The following GABRB2 variants were observed in gnomAD, a reference collection of about 807,000 sequenced individuals.
GABRB2 encodes the protein gamma-aminobutyric acid receptor subunit beta-2.
A neutral mutation model predicts 54.7 loss-of-function variants in GABRB2; 16 were observed. That is an observed-to-expected ratio of 0.29 (90% CI 0.20 to 0.44). The LOEUF (loss-of-function observed/expected upper bound fraction) is 0.44, where lower values mean the gene tolerates loss of function less well. Among genes scored for constraint, GABRB2 ranks in the 20% least tolerant of loss-of-function variants. GABRB2 has a pLI of 1.00. For synonymous variants in GABRB2, 244 were observed against 233.8 expected (o/e 1.04, Z -0.40); for missense variants, 355 against 644.0 (o/e 0.55, Z 4.86).
chr5:161,405,856 G>A (rs192921397), intron 5 of GABRB2, among the ~76,000 whole-genome samples: 49 of 152,090 alleles, frequency 3.2e-4, no homozygotes, highest in East Asian at 2.3e-3. Context: ...CTTCGACAAG[G>A]ATGATTTAGA....
chr5:161,487,323 A>G (rs150247317), intron 3 of GABRB2, among the ~76,000 whole-genome samples: 42 of 152,056 alleles, frequency 2.8e-4, no homozygotes, highest in African/African-American at 9.4e-4. Flanking sequence ...AAAGTGGTAA[A>G]GTGGTACAAA....
chr5:161,437,610 C>T (rs1386835237), intron 4 of GABRB2, among the ~76,000 whole-genome samples: 2 of 152,024 alleles, frequency 1.3e-5, no homozygotes, highest in Non-Finnish European at 2.9e-5. Flanking sequence ...TCCCCTATTC[C>T]AGGACCTGAC....
At chr5:161,295,089 A>G (rs1757345650) in intron 9 of GABRB2, among the ~76,000 whole-genome samples, 2 of 152,336 alleles carry the variant, frequency 1.3e-5, no homozygotes, top group South Asian at 4.1e-4. Flanking sequence ...CACAGTATTC[A>G]GAATAAGGAG....
At chr5:161,355,857 G>A (rs891025579) in intron 5 of GABRB2, among the ~76,000 whole-genome samples, 14 of 152,106 alleles carry the variant, frequency 9.2e-5, no homozygotes, top group African/African-American at 3.4e-4. Flanking sequence ...ACCTACAGAA[G>A]AATAGGTCTT....
chr5:161,482,652 C>T (rs1447603383), intron 3 of GABRB2, among the ~76,000 whole-genome samples: 1 of 151,990 alleles, frequency 6.6e-6, no homozygotes, highest in African/African-American at 2.4e-5. Flanking sequence ...AAAATAAATG[C>T]TTTATAAATC....
At chr5:161,326,547 TAAAG>T in intron 8 of GABRB2, 66 bp from the exon 9 acceptor site, 1 of 1,523,588 alleles carries the variant, frequency 6.6e-7, no homozygotes, top group East Asian at 2.4e-5. Context: ...GCCTGATGGT[TAAAG>T]TAAATTGGAT....
chr5:161,527,750 A>G (rs1554106576), intron 3 of GABRB2, among the ~76,000 whole-genome samples: 1 of 151,680 alleles, frequency 6.6e-6, no homozygotes, highest in Non-Finnish European at 1.5e-5. Context: ...TGGCAATAAA[A>G]TTTAGTTAAT....
intron 9 of GABRB2, among the ~76,000 whole-genome samples, chr5:161,297,868 A>C (rs1209506873): frequency 6.6e-6 from 1 of 152,204 alleles, no homozygotes; most frequent in Non-Finnish European, 1.5e-5. Context: ...ACTGTCTTCC[A>C]CAATGGTTGA....
intron 3 of GABRB2, among the ~76,000 whole-genome samples, chr5:161,488,685 A>G (rs879736560): frequency 6.6e-6 from 1 of 151,792 alleles, no homozygotes; most frequent in Non-Finnish European, 1.5e-5. Flanking sequence ...CTAAATTCTC[A>G]TATAATCCAT....
At chr5:161,503,665 C>CG (rs1759515072) in intron 3 of GABRB2, among the ~76,000 whole-genome samples, 1 of 147,912 alleles carries the variant, frequency 6.8e-6, no homozygotes, top group South Asian at 2.1e-4. Flanking sequence ...GCTGAGATCG[C>CG]GCCATTGCAC....
chr5:161,393,632 T>G (rs970974195), intron 5 of GABRB2, among the ~76,000 whole-genome samples: 1 of 152,084 alleles, frequency 6.6e-6, no homozygotes, highest in African/African-American at 2.4e-5. Context: ...TAAAATGCAC[T>G]TTGAGACTAA....
chr5:161,327,105 A>G, intron 8 of GABRB2: 1 of 356,524 alleles, frequency 2.8e-6, no homozygotes, highest in Non-Finnish European at 3.9e-6. Context: ...GAAAATAGGA[A>G]AGACTCTCCT....
At chr5:161,314,574 T>C (rs1757969394) in intron 9 of GABRB2, among the ~76,000 whole-genome samples, 1 of 152,204 alleles carries the variant, frequency 6.6e-6, no homozygotes, top group African/African-American at 2.4e-5. Flanking sequence ...ACTTGTTTTA[T>C]TTTGACAAAA....
intron 4 of GABRB2, among the ~76,000 whole-genome samples, chr5:161,429,568 T>C (rs568430071): frequency 1.3e-5 from 2 of 152,096 alleles, no homozygotes; most frequent in Admixed American, 1.3e-4. Context: ...GTAAGATGAA[T>C]AGGTCAACTT....
intron 9 of GABRB2, among the ~76,000 whole-genome samples, chr5:161,301,011 C>A (rs1757523186): frequency 6.6e-6 from 1 of 152,120 alleles, no homozygotes; most frequent in Non-Finnish European, 1.5e-5. Flanking sequence ...TAATGTTGAT[C>A]TTGAAAGCCC....
At chr5:161,419,826 G>T (rs1164371865) in intron 4 of GABRB2, among the ~76,000 whole-genome samples, 4 of 152,246 alleles carry the variant, frequency 2.6e-5, no homozygotes, top group Non-Finnish European at 5.9e-5. Context: ...GAGGTAGGAG[G>T]GCAGTGAGGG....
At chr5:161,326,572 G>A (rs1758370377) in intron 8 of GABRB2, 91 bp from the exon 9 acceptor site, 1 of 1,382,850 alleles carries the variant, frequency 7.2e-7, no homozygotes, top group African/African-American at 1.5e-5. Flanking sequence ...ATAGATAAAT[G>A]CTACTGGCCT....
Position 161,326,390 on chromosome 5 carries a change from T to C in GABRB2, c.1169A>G (p.Asn390Ser), listed in dbSNP as rs201129022. ...GNLSPTRRTT[N>S]YDFSLYTMDP... is the part of the protein sequence containing the mutation. ...AACCGTATACAGAGAGAAATCGTAATTGGTAGTCCGTCTAGTTGGGGAGAG... is the reference window on the plus strand; with the variant it reads ...AACCGTATACAGAGAGAAATCGTAACTGGTAGTCCGTCTAGTTGGGGAGAG... Residue 390 changes from asparagine to serine, a missense_variant, in exon 9 of 10, where the codon AAT (asparagine) becomes AGT (serine). Physicochemically the swap from Asn to Ser is conservative, Grantham distance 46. Around this residue, in one of 6 missense-constraint regions of GABRB2, gnomAD observed 201 missense variants for 228.1 expected, o/e 0.88. Coordinates refer to ENST00000393959, the MANE Select transcript of GABRB2 (RefSeq NM_001371727.1). 1.9e-6 allele frequency: 3 copies of C among 1,613,628 alleles called. 1 individual carries two copies. The highest frequency in any genetic ancestry group is 3.3e-4 in the Middle Eastern group (2 of 6,060).
chr5:161,427,565 G>A lies in GABRB2; in HGVS notation c.459-16508C>T, dbSNP rs896988922. On this transcript the variant is annotated intron_variant, in intron 4 of 9. Coordinates refer to ENST00000393959, the MANE Select transcript of GABRB2 (RefSeq NM_001371727.1). ...CCTCTATCTTTAATTCCTAGGAACT[G>A]AAGCAAATGCCTAAATCCTTTGCAG... Among the ~76,000 whole-genome samples, 4 of 151,978 alleles carry A rather than the reference G, an allele frequency of 2.6e-5. No individual in the cohort carries two copies. In the East Asian group the frequency reaches 7.7e-4, roughly 29 times the overall value.
Sources: gnomAD v4.1 joint callset for allele counts (sites outside exome capture counted in the v4.1 genomes callset) on GRCh38, gnomAD v4.1.1 for gene constraint, gnomAD v4.1.1 regional missense constraint, MANE v1.5 for transcripts, NCBI Gene and HGNC (gene_info 2026-07-23, HGNC 2026-07-21) for gene names.